Variants in B3GALT1 observed in about 807,000 individuals in gnomAD.
B3GALT1 encodes beta-1,3-galactosyltransferase 1.
In B3GALT1, 10 loss-of-function variants were observed where a neutral mutation model predicts 23.2. That is an observed-to-expected ratio of 0.43 (90% confidence interval 0.27 to 0.73). The LOEUF is 0.73. B3GALT1 is among the 30% of genes least tolerant of loss of function. The pLI, the probability that B3GALT1 is intolerant of heterozygous loss-of-function variation, is 0.21. For synonymous variants in B3GALT1, 156 were observed against 141.5 expected (o/e 1.10, Z -0.73); for missense variants, 299 against 405.4 (o/e 0.74, Z 2.25).
chr2:167,501,704 C>A, intron 2 of B3GALT1, among the ~76,000 whole-genome samples: 1 of 124,562 alleles, frequency 8.0e-6, no homozygotes, highest in African/African-American at 3.1e-5. Context: ...TGTTAATTCA[C>A]ACATCTACAG....
intron 3 of B3GALT1, among the ~76,000 whole-genome samples, chr2:167,745,418 A>G (rs939162226): frequency 3.3e-5 from 5 of 152,088 alleles, no homozygotes; most frequent in Non-Finnish European, 7.4e-5. Context: ...CTTTCATACT[A>G]TTCTTTTGAG....
chr2:167,428,509 T>C (rs748635753), intron 1 of B3GALT1, among the ~76,000 whole-genome samples: 43 of 152,236 alleles, frequency 2.8e-4, no homozygotes, highest in Non-Finnish European at 4.9e-4. Context: ...ACCTCGTCTC[T>C]ACTAAAAATA....
intron 1 of B3GALT1, among the ~76,000 whole-genome samples, chr2:167,299,420 T>C (rs1696410771): frequency 6.6e-6 from 1 of 152,214 alleles, no homozygotes. Flanking sequence ...ATGCCAGTCA[T>C]AGGGCTTGTG....
chr2:167,471,993 T>C (rs1240636591), intron 1 of B3GALT1, among the ~76,000 whole-genome samples: 5 of 152,210 alleles, frequency 3.3e-5, no homozygotes, highest in Non-Finnish European at 7.3e-5. Context: ...ACATTTCTTA[T>C]ACTCTGTAGT....
chr2:167,867,084 G>A (rs1006022840), intron 4 of B3GALT1, among the ~76,000 whole-genome samples: 22 of 152,092 alleles, frequency 1.4e-4, no homozygotes, highest in Non-Finnish European at 2.1e-4. Context: ...CCGCCACTAC[G>A]CCTGGCTAAT....
chr2:167,475,279 A>C (rs966331908), intron 1 of B3GALT1, among the ~76,000 whole-genome samples: 1 of 152,020 alleles, frequency 6.6e-6, no homozygotes, highest in African/African-American at 2.4e-5. Flanking sequence ...CCCCACCCCT[A>C]AGTCGCTTAG....
At chr2:167,598,525 T>C (rs1684821790) in intron 2 of B3GALT1, among the ~76,000 whole-genome samples, 1 of 152,060 alleles carries the variant, frequency 6.6e-6, no homozygotes, top group African/African-American at 2.4e-5. Flanking sequence ...AAGAGAAAAT[T>C]ATCCCAGAAA....
At chr2:167,846,767 T>TAACA (rs1163022722) in intron 4 of B3GALT1, among the ~76,000 whole-genome samples, 1 of 152,204 alleles carries the variant, frequency 6.6e-6, no homozygotes, top group Non-Finnish European at 1.5e-5. Flanking sequence ...ATTTCAATAC[T>TAACA]AACATTGAAT....
At chr2:167,400,399 C>A (rs1698169731) in intron 1 of B3GALT1, among the ~76,000 whole-genome samples, 1 of 151,944 alleles carries the variant, frequency 6.6e-6, no homozygotes, top group African/African-American at 2.4e-5. Flanking sequence ...TGAATAAATT[C>A]TATTCATTTT....
chr2:167,578,781 G>A (rs1052735226), intron 2 of B3GALT1, among the ~76,000 whole-genome samples: 3 of 151,982 alleles, frequency 2.0e-5, no homozygotes, highest in African/African-American at 7.2e-5. Context: ...ATTTAAACAT[G>A]TTCCAGGGAA....
chr2:167,582,655 T>C (rs959807568), intron 2 of B3GALT1, among the ~76,000 whole-genome samples: 6 of 152,152 alleles, frequency 3.9e-5, no homozygotes, highest in Admixed American at 2.0e-4. Flanking sequence ...GGGGCACGGC[T>C]TAGGTGATCT....
chr2:167,357,491 A>G (rs1697434745), intron 1 of B3GALT1, among the ~76,000 whole-genome samples: 1 of 152,152 alleles, frequency 6.6e-6, no homozygotes. Context: ...AATTTTTGGT[A>G]TACTAAGTTA....
intron 3 of B3GALT1, among the ~76,000 whole-genome samples, chr2:167,732,473 G>A (rs907453252): frequency 4.6e-5 from 7 of 152,138 alleles, no homozygotes; most frequent in Non-Finnish European, 7.4e-5. Context: ...CCACAGCACC[G>A]GAGCCAACAT....
chr2:167,479,991 GA>G lies in B3GALT1; in HGVS notation c.-510-10185del, dbSNP rs112796627. 6.6e-3 allele frequency among the ~76,000 whole-genome samples: 1,001 copies of G among 152,178 alleles called. 6 individuals carry two copies. The highest frequency in any genetic ancestry group is 0.022 in the African/African-American group (934 of 41,528). On this transcript the variant is annotated intron_variant, in intron 1 of 4. Coordinates refer to ENST00000392690, the MANE Select transcript of B3GALT1 (RefSeq NM_020981.4). Reference sequence around the variant, plus strand: ...CTGCCTCTGGCTGGGGCCACAGGATGATTGTGGATTGTGTCTGGATGGGGTC... The same window carrying G: ...CTGCCTCTGGCTGGGGCCACAGGATGTTGTGGATTGTGTCTGGATGGGGTC...
intron 2 of B3GALT1, among the ~76,000 whole-genome samples, chr2:167,494,677 A>G (rs1699753756): frequency 6.6e-6 from 1 of 152,224 alleles, no homozygotes; most frequent in South Asian, 2.1e-4. Context: ...AGGCAAATTA[A>G]TAATCACAAG....
At chr2:167,664,325 C>T (rs1686131696) in intron 3 of B3GALT1, among the ~76,000 whole-genome samples, 1 of 151,460 alleles carries the variant, frequency 6.6e-6, no homozygotes, top group Non-Finnish European at 1.5e-5. Context: ...ATCTCTATCT[C>T]TGTTTTGGTA....
chr2:167,661,367 T>TTAACTGTCTCTA (rs1174179356), intron 3 of B3GALT1, among the ~76,000 whole-genome samples: 3 of 152,020 alleles, frequency 2.0e-5, no homozygotes, highest in African/African-American at 7.2e-5. Context: ...TGGAGCAGCT[T>TTAACTGTCTCTA]TAACTGTCTC....
Position 167,577,224 on chromosome 2 carries a change from A to C in B3GALT1, c.-409-69685A>C, listed in dbSNP as rs575382385. On this transcript the variant is annotated intron_variant, in intron 2 of 4. Transcript: ENST00000392690. Reference sequence around the variant, plus strand: ...TCATGTGATGTATGATACTTCTACCACTTTCTGCACCCTACTCATCATACT... The same window carrying C: ...TCATGTGATGTATGATACTTCTACCCCTTTCTGCACCCTACTCATCATACT... 2.4e-4 allele frequency among the ~76,000 whole-genome samples: 37 copies of C among 151,950 alleles called. No individual in the cohort carries two copies. In the East Asian group the frequency reaches 5.6e-3, roughly 23 times the overall value.
intron 3 of B3GALT1, among the ~76,000 whole-genome samples, chr2:167,815,539 G>A (rs777209735): frequency 6.6e-6 from 1 of 152,062 alleles, no homozygotes; most frequent in Non-Finnish European, 1.5e-5. Flanking sequence ...TGCCACAGAG[G>A]GCTGTAGCAA....
Sources: allele counts gnomAD v4.1 joint callset (sites outside exome capture counted in the v4.1 genomes callset), GRCh38; gene constraint gnomAD v4.1.1; transcripts MANE v1.5; gene names NCBI Gene and HGNC (gene_info 2026-07-23, HGNC 2026-07-21).